NINL: variants seen among roughly 807,000 people sequenced by gnomAD.
NINL encodes the protein ninein-like protein.
A neutral mutation model predicts 160.3 loss-of-function variants in NINL; 153 were observed. That is an observed-to-expected ratio of 0.95 (90% CI 0.84 to 1.09). The LOEUF (loss-of-function observed/expected upper bound fraction) is 1.09, where lower values mean the gene tolerates loss of function less well. Ranked by LOEUF, NINL falls within the 50% of genes least tolerant of loss-of-function variation. The pLI is 0.00. For missense variants in NINL, 1,829 were observed against 1,764.0 expected (o/e 1.04, Z -0.66); for synonymous variants, 800 against 734.8 (o/e 1.09, Z -1.43).
intron 13 of NINL, among the ~76,000 whole-genome samples, chr20:25,488,691 T>C (rs1191083155): frequency 6.6e-6 from 1 of 152,052 alleles, no homozygotes; most frequent in East Asian, 1.9e-4. Context: ...CTGGCTAGTT[T>C]TTATTTCTTT....
At chr20:25,501,322 G>A (rs932930496) in intron 7 of NINL, among the ~76,000 whole-genome samples, 3 of 152,246 alleles carry the variant, frequency 2.0e-5, no homozygotes, top group South Asian at 4.1e-4. Context: ...GGAGAGGGAC[G>A]ACAAAGGAGT....
At chr20:25,574,019 G>C (rs932830446) in intron 1 of NINL, among the ~76,000 whole-genome samples, 5 of 152,202 alleles carry the variant, frequency 3.3e-5, no homozygotes, top group East Asian at 3.8e-4. Flanking sequence ...AACCTGGGAA[G>C]GAGTGTGGGG....
At chr20:25,522,705 A>G (rs1406379773) in intron 2 of NINL, among the ~76,000 whole-genome samples, 1 of 152,256 alleles carries the variant, frequency 6.6e-6, no homozygotes, top group Non-Finnish European at 1.5e-5. Context: ...CATCCATCAA[A>G]GAGCAGTGGG....
At chr20:25,565,690 T>G (rs923315912) in intron 1 of NINL, among the ~76,000 whole-genome samples, 1 of 152,252 alleles carries the variant, frequency 6.6e-6, no homozygotes, top group Middle Eastern at 3.4e-3. Context: ...GGGCATTATG[T>G]TTGGGTGAGT....
chr20:25,503,974 C>T lies in NINL; in HGVS notation c.839G>A (p.Ser280Asn). ...TACCTGGTAATGAGACCAAGCCTTG[C>T]TCGGTTTAACCCGAGTGGAAGACTC... ...LLESSTRVKP[S>N]KAWSHYQVPE... The change falls in exon 7 of 24, where the codon AGC becomes AAC. Residue 280 changes from serine (S) to asparagine (N), a missense_variant. By Grantham distance (46) the Ser-to-Asn change is conservative. Transcript: ENST00000278886. The T allele has an allele frequency of 6.2e-7, 1 of 1,614,178 alleles. No homozygotes were observed. Among genetic ancestry groups the T allele is most frequent in the Non-Finnish European group, 8.5e-7 (1 of 1,180,022 alleles).
rs149462733 is a variant in NINL at position 25,512,836 on chromosome 20, C to T, written c.448G>A (p.Glu150Lys). The change falls in exon 4 of 24, where the codon GAG (glutamate) becomes AAG (lysine). Residue 150 changes from glutamate (E) to lysine (K), a missense_variant and splice_region_variant. By Grantham distance (56) the Glu-to-Lys change is moderately conservative. Transcript: ENST00000278886. Reference sequence around the variant, plus strand: ...GGTGGGAGAGGGGCCTGACCCACCTCCACGCTCTCCAGAGACGCTGAGCGC... The same window carrying T: ...GGTGGGAGAGGGGCCTGACCCACCTTCACGCTCTCCAGAGACGCTGAGCGC... ...LWRSASLESV[E>K]SPKSDEEAES... 167 of 1,610,488 alleles carry T rather than the reference C, an allele frequency of 1.0e-4. No individual in the cohort carries two copies. In the African/African-American group the frequency reaches 2.0e-3, roughly 20 times the overall value.
chr20:25,519,972 G>A (rs571500032), intron 2 of NINL, among the ~76,000 whole-genome samples: 8 of 108,790 alleles, frequency 7.4e-5, no homozygotes, highest in African/African-American at 1.8e-4. Context: ...CCTGGGTGAC[G>A]AAGTGAGACC....
rs533115890 is a variant in NINL, at chr20:25,530,933, C to G, written c.-11-4335G>C. Among the ~76,000 whole-genome samples, 3 of 152,184 alleles carry G rather than the reference C, an allele frequency of 2.0e-5. No individual in the cohort carries two copies. The South Asian group carries it at 6.2e-4, about 32-fold the overall frequency. On this transcript the variant is annotated intron_variant, in intron 1 of 23. Coordinates refer to ENST00000278886, the MANE Select transcript of NINL (RefSeq NM_025176.6). ...GAGACAGGGTTTGAGAGCAGACAAC[C>G]GGTCTGACGAAAATTTTATTAGGTG...
intron 13 of NINL, among the ~76,000 whole-genome samples, chr20:25,482,729 A>T (rs1272198810): frequency 1.3e-5 from 2 of 149,604 alleles, no homozygotes; most frequent in African/African-American, 4.9e-5. Context: ...GAAATGTAGA[A>T]AATGCAGAGT....
chr20:25,510,738 A>T lies in NINL; in HGVS notation c.453T>A (p.Ser151Arg), dbSNP rs749725869. 1.2e-6 allele frequency: 2 copies of T among 1,612,774 alleles called. No homozygotes were observed. Among genetic ancestry groups the T allele is most frequent in the African/African-American group, 2.7e-5 (2 of 74,944 alleles). ...WRSASLESVESPKSDEEAEST... is the reference protein window; with the variant it reads ...WRSASLESVERPKSDEEAEST... ...TCTCGGCCTCTTCATCTGACTTGGG[A>T]CTCTGTAGAAAGATGCAGAGAGAAG... Residue 151 changes from serine to arginine, a missense_variant and splice_region_variant, in exon 5 of 24, where the codon AGT becomes AGA. Physicochemically the swap from Ser to Arg is moderately radical, Grantham distance 110. Transcript: ENST00000278886.
At chr20:25,468,103 G>T (rs1259039377) in intron 18 of NINL, among the ~76,000 whole-genome samples, 1 of 152,094 alleles carries the variant, frequency 6.6e-6, no homozygotes, top group African/African-American at 2.4e-5. Context: ...ATTGTCCTTG[G>T]ATATGGCTAC....
chr20:25,459,521 G>A (rs1322076126), intron 21 of NINL, among the ~76,000 whole-genome samples: 3 of 152,128 alleles, frequency 2.0e-5, no homozygotes, highest in South Asian at 2.1e-4. Flanking sequence ...TCCACCAAAC[G>A]CAGCCTTCTC....
chr20:25,488,501 GGT>G lies in NINL; in HGVS notation c.1677+741_1677+742del, dbSNP rs370939011. On this transcript the variant is annotated intron_variant, in intron 13 of 23. Transcript: ENST00000278886. ...GGCCTCCCAAAGTGCTGGGATTACA[GGT>G]GTGAGCCACCGCACCCGGCCTCCTT... is the stretch of plus-strand genomic sequence containing the variant. Among the ~76,000 whole-genome samples, 22 of 152,172 alleles carry G rather than the reference GGT, an allele frequency of 1.4e-4. 1 individual carries two copies. The highest frequency in any genetic ancestry group is 6.8e-3 in the Middle Eastern group (2 of 294).
rs570501450 is a variant in NINL, at chr20:25,510,736, G to A, written c.455C>T (p.Pro152Leu). Residue 152 changes from proline to leucine, a missense_variant, in exon 5 of 24, where the codon CCC becomes CTC. Coordinates refer to ENST00000278886, the MANE Select transcript of NINL (RefSeq NM_025176.6). The part of the protein sequence containing the change: ...RSASLESVES[P>L]KSDEEAESTK... ...GCTCTCGGCCTCTTCATCTGACTTG[G>A]GACTCTGTAGAAAGATGCAGAGAGA... The A allele has an allele frequency of 4.6e-5, 75 of 1,613,036 alleles. No homozygotes were observed. In the South Asian group the frequency reaches 8.0e-4, roughly 17 times the overall value.
intron 23 of NINL, among the ~76,000 whole-genome samples, chr20:25,453,846 C>T (rs1265801739): frequency 5.3e-5 from 8 of 152,028 alleles, no homozygotes; most frequent in Non-Finnish European, 1.0e-4. Context: ...GTCAGGAGAT[C>T]GAGACCATCC....
intron 1 of NINL, among the ~76,000 whole-genome samples, chr20:25,574,597 G>C (rs2065093856): frequency 6.6e-6 from 1 of 152,186 alleles, no homozygotes; most frequent in Non-Finnish European, 1.5e-5. Context: ...TCCCCTCCTA[G>C]ACAGGTCCTG....
chr20:25,488,246 G>C (rs1344702506), intron 13 of NINL, among the ~76,000 whole-genome samples: 1 of 152,110 alleles, frequency 6.6e-6, no homozygotes, highest in Non-Finnish European at 1.5e-5. Flanking sequence ...TTTGGGGAGG[G>C]ATGGAGTCTC....
intron 2 of NINL, among the ~76,000 whole-genome samples, chr20:25,524,486 C>T (rs984399614): frequency 1.3e-5 from 2 of 152,152 alleles, no homozygotes; most frequent in Non-Finnish European, 2.9e-5. Flanking sequence ...TCAGAAAGGG[C>T]CCGGCTCCTG....
intron 2 of NINL, among the ~76,000 whole-genome samples, chr20:25,523,918 T>C (rs6083876): frequency 0.028 from 4,234 of 152,290 alleles, 82 homozygotes; most frequent in Non-Finnish European, 0.039. Context: ...GGACTACAGG[T>C]GTGAGCCACT....
Sources: allele counts gnomAD v4.1 joint callset (sites outside exome capture counted in the v4.1 genomes callset), GRCh38; gene constraint gnomAD v4.1.1; transcripts MANE v1.5; gene names NCBI Gene and HGNC (gene_info 2026-07-23, HGNC 2026-07-21).